Variants in DNAH17 observed in about 807,000 individuals in gnomAD.
DNAH17 encodes dynein axonemal heavy chain 17.
Under a neutral mutation model 485.6 loss-of-function variants are expected in DNAH17, and 376 were observed. The ratio of observed to expected loss-of-function variants is 0.77; its 90% CI spans 0.71 to 0.84. The LOEUF (loss-of-function observed/expected upper bound fraction) is 0.84. Ranked by LOEUF, DNAH17 falls within the 40% of genes least tolerant of loss-of-function variation. The pLI is 0.00. For synonymous variants in DNAH17, 3,031 were observed against 2,405.9 expected, an observed-to-expected ratio of 1.26 and a Z score of -7.60; for missense variants, 6,370 against 5,839.3, an observed-to-expected ratio of 1.09 and a Z score of -2.96.
intron 13 of DNAH17, among the ~76,000 whole-genome samples, chr17:78,558,546 A>ATGGGTGGATGACATCATCC (rs2092080852): frequency 2.9e-5 from 2 of 68,442 alleles, no homozygotes; most frequent in Non-Finnish European, 6.5e-5. Context: ...TGACATCATC[A>ATGGGTGGATGACATCATCC]TTGCATGTGT....
intron 3 of DNAH17, 90 bp downstream of exon 3, chr17:78,572,611 C>G (rs375121249): frequency 5.4e-6 from 6 of 1,120,936 alleles, no homozygotes; most frequent in African/African-American, 2.7e-5. Context: ...AACAACGGGT[C>G]GGAGTGGGGT....
intron 44 of DNAH17, among the ~76,000 whole-genome samples, chr17:78,490,339 TTC>T (rs753582233): frequency 2.6e-5 from 4 of 152,172 alleles, no homozygotes; most frequent in Admixed American, 2.0e-4. Flanking sequence ...TCTGGTGTGC[TTC>T]TCTGTTTTCA....
At position 78,531,242 on chromosome 17, in the gene DNAH17, T is replaced by G. The variant is rs191241423; in HGVS notation, c.3115-730A>C. On this transcript the variant is annotated intron_variant, in intron 20 of 80. Transcript: ENST00000389840. ...TGCTCTGGTGCTGGGCGCATAGATA[T>G]GTAGAATTGTTAAATCCTCTCGCTG... Among the ~76,000 whole-genome samples, 22 of 152,288 alleles carry G rather than the reference T, an allele frequency of 1.4e-4. No individual in the cohort carries two copies. The East Asian group carries it at 4.2e-3, about 29-fold the overall frequency.
In DNAH17 at chr17:78,530,232, C is replaced by T. The variant is rs1278955546; in HGVS notation, c.3284+111G>A. The T allele has an allele frequency of 5.3e-6, 7 of 1,319,902 alleles. No homozygotes were observed. The Admixed American group carries it at 1.4e-4, about 26-fold the overall frequency. 81.8% of individuals were successfully genotyped at this position (1,319,902 alleles called of 1,614,324 possible). A position where few individuals can be genotyped will look rare whatever the true frequency, so the allele number is the denominator to read the frequency against. The stretch of plus-strand genomic sequence containing the variant: ...TGGCCTTGAAGCCCAGCCTCCACCC[C>T]CTGCTACCCCAGAGGAGGCACCTGA... On this transcript the variant is annotated intron_variant, in intron 21 of 80. Transcript: ENST00000389840.
rs138773235 is a variant in DNAH17 at position 78,530,977 on chromosome 17, T to A, written c.3115-465A>T. Among the ~76,000 whole-genome samples the A allele has an allele frequency of 1.8e-3, 277 of 152,250 alleles. 4 individuals carry two copies. Among genetic ancestry groups the A allele is most frequent in the East Asian group, 0.018 (94 of 5,184 alleles). On this transcript the variant is annotated intron_variant, in intron 20 of 80. Transcript: ENST00000389840. ...TGTGCATTGGGAACAGAGCTAGAGG[T>A]TTGTGCGTTAACTATGTTTTCTTAT...
chr17:78,458,440 A>G, intron 62 of DNAH17, 125 bp downstream of exon 62: 1 of 757,316 alleles, frequency 1.3e-6, no homozygotes, highest in Non-Finnish European at 2.3e-6. Context: ...GAGCTCAAGA[A>G]GTGAAAGTGG....
intron 11 of DNAH17, 70 bp downstream of exon 11, chr17:78,566,544 C>CG (rs2092269183): frequency 8.8e-7 from 1 of 1,140,756 alleles, no homozygotes; most frequent in African/African-American, 1.5e-5. Context: ...TCTCCAAGAT[C>CG]GTTCTCGACA....
At chr17:78,489,502 A>C in intron 44 of DNAH17, 1 of 152,164 alleles carries the variant, frequency 6.6e-6, no homozygotes, top group East Asian at 1.9e-4. Context: ...TGAGTGATGG[A>C]GATGCGCCTA....
intron 64 of DNAH17, 36 bp from the exon 65 acceptor site, chr17:78,453,501 G>A: frequency 6.2e-7 from 1 of 1,612,150 alleles, no homozygotes; most frequent in Non-Finnish European, 8.5e-7. Flanking sequence ...TCATGGCAGA[G>A]GGCCTCGTGA....
chr17:78,484,680 G>A (rs968125474), intron 48 of DNAH17, 188 bp downstream of exon 48: 4 of 410,012 alleles, frequency 9.8e-6, no homozygotes, highest in Non-Finnish European at 1.7e-5. Context: ...TCAATGCCTT[G>A]TGGCCCCACA....
intron 2 of DNAH17, among the ~76,000 whole-genome samples, chr17:78,573,938 C>T (rs1273899754): frequency 2.6e-5 from 4 of 152,052 alleles, no homozygotes; most frequent in African/African-American, 9.7e-5. Flanking sequence ...GTGTGTCCCC[C>T]CCACCTACAC....
At chr17:78,507,248 TC>T in intron 29 of DNAH17, 29 bp downstream of exon 29, 3 of 1,611,128 alleles carry the variant, frequency 1.9e-6, no homozygotes, top group Non-Finnish European at 8.5e-7. Flanking sequence ...CACCACTGAC[TC>T]CCCTGGTCTG....
chr17:78,509,115 C>A (rs1359640376), intron 27 of DNAH17, among the ~76,000 whole-genome samples: 2 of 81,820 alleles, frequency 2.4e-5, no homozygotes, highest in East Asian at 2.8e-4. Context: ...TACAGGCATG[C>A]GCCACCACGC....
intron 7 of DNAH17, 37 bp downstream of exon 7, chr17:78,570,210 G>T: frequency 6.5e-7 from 1 of 1,550,358 alleles, no homozygotes; most frequent in East Asian, 2.4e-5. Context: ...CCAGCCAGGA[G>T]GGGAGGAAGG....
chr17:78,545,561 T>C (rs896524931), intron 16 of DNAH17, among the ~76,000 whole-genome samples: 2 of 152,146 alleles, frequency 1.3e-5, no homozygotes, highest in Admixed American at 6.5e-5. Context: ...AGGGCACGAA[T>C]CTCCTTCGTG....
Position 78,459,112 on chromosome 17 carries a change from G to A in DNAH17, c.9750C>T (p.Arg3250=), listed in dbSNP as rs1598484158. 10 of 1,613,912 alleles carry A rather than the reference G, an allele frequency of 6.2e-6. No individual in the cohort carries two copies. Among genetic ancestry groups the A allele is most frequent in the Non-Finnish European group, 7.6e-6 (9 of 1,179,906 alleles). ...CCACGTCGCAGTAGACCTCGTAGAA[G>A]CGGACGATGTTGATGCACCAGGAGC... The part of the protein sequence containing the change: ...GLCSWCINIV[R]FYEVYCDVAP... Residue 3250 remains arginine (R), a synonymous_variant, in exon 61 of 81, where the codon CGC becomes CGT. Coordinates refer to ENST00000389840, the MANE Select transcript of DNAH17 (RefSeq NM_173628.4).
In DNAH17 at chr17:78,571,267, T is replaced by TCA. The variant is rs1396154822; in HGVS notation, c.832+10_832+11dup. The stretch of plus-strand genomic sequence containing the variant: ...GCTTCGTGCAGAACTCATGACAGGG[T>TCA]CACAGGCTCACCTTCAGTGACGTTG... On this transcript the variant is annotated intron_variant, in intron 5 of 80. Coordinates refer to ENST00000389840, the MANE Select transcript of DNAH17 (RefSeq NM_173628.4). 1.2e-6 allele frequency: 2 copies of TCA among 1,608,010 alleles called. No homozygotes were observed. Among genetic ancestry groups the TCA allele is most frequent in the African/African-American group, 2.7e-5 (2 of 74,848 alleles).
At position 78,491,589 on chromosome 17, in the gene DNAH17, A is replaced by T. The variant is rs766854211; in HGVS notation, c.6542-19T>A. ...AACAGGCCTGGGGGAGGCGCGTGGT[A>T]TGACCCCGGGCCCTTCACTCCGGCC... On this transcript the variant is annotated intron_variant, in intron 42 of 80. Transcript: ENST00000389840. The T allele has an allele frequency of 1.2e-5, 20 of 1,612,234 alleles. No homozygotes were observed. The highest frequency in any genetic ancestry group is 1.1e-4 in the South Asian group (10 of 90,590).
At chr17:78,539,950 T>G (rs2091476957) in intron 17 of DNAH17, 70 bp from the exon 18 acceptor site, 2 of 1,450,864 alleles carry the variant, frequency 1.4e-6, no homozygotes, top group East Asian at 5.1e-5. Flanking sequence ...CACTGTTTAG[T>G]GCCTCTCTGG....
Sources: allele counts gnomAD v4.1 joint callset (sites outside exome capture counted in the v4.1 genomes callset), GRCh38; gene constraint gnomAD v4.1.1; transcripts MANE v1.5; gene names NCBI Gene and HGNC (gene_info 2026-07-23, HGNC 2026-07-21).